The following CELF2 variants were observed in gnomAD, a reference collection of about 807,000 sequenced individuals.
CELF2 encodes CUGBP Elav-like family member 2.
CELF2 carries 8 observed loss-of-function variants against 62.6 expected under a neutral mutation model. The observed-to-expected ratio is 0.13, with a 90% confidence interval of 0.07 to 0.23. The LOEUF is 0.23. CELF2 is among the 10% of genes least tolerant of loss of function. The pLI is 1.00. For missense variants in CELF2, 333 were observed against 671.0 expected (o/e 0.50, Z 5.56); for synonymous variants, 258 against 250.0 (o/e 1.03, Z -0.30).
chr10:10,796,047 C>A (rs2054120864), upstream of CELF2, among the ~76,000 whole-genome samples: 1 of 152,072 alleles, frequency 6.6e-6, no homozygotes, highest in South Asian at 2.1e-4. Context: ...ACCACTGAAG[C>A]TGATTTTCCG....
intron 2 of CELF2, among the ~76,000 whole-genome samples, chr10:11,202,901 ATCTCTCTCTCTCTC>A (rs56373613): frequency 0.016 from 1,147 of 70,892 alleles, 34 homozygotes; most frequent in African/African-American, 0.067. Flanking sequence ...CCCCATCCTC[ATCTCTCTCTCTCTC>A]TCTCTCTCTC....
chr10:10,961,069 G>A (rs913332536), intron 2 of CELF2, among the ~76,000 whole-genome samples: 11 of 152,004 alleles, frequency 7.2e-5, no homozygotes, highest in Non-Finnish European at 1.2e-4. Context: ...ATTCCAATAC[G>A]GACTTCTTAC....
rs1241406446 is a variant in CELF2 at position 11,329,194 on chromosome 10, CTCCATGTCCCCA to C, written c.*142_*153del. 2.5e-6 allele frequency: 2 copies of C among 803,066 alleles called. No individual in the cohort carries two copies. Among genetic ancestry groups the C allele is most frequent in the Non-Finnish European group, 3.7e-6 (2 of 538,698 alleles). 49.7% of individuals were successfully genotyped at this position (803,066 alleles called of 1,614,324 possible). A position where few individuals can be genotyped will look rare whatever the true frequency, so the allele number is the denominator to read the frequency against. On this transcript the variant is annotated 3_prime_UTR_variant, in exon 13 of 13. Coordinates refer to ENST00000633077, the MANE Select transcript of CELF2 (RefSeq NM_001326342.2). This position sits in a 1 kb window ranked among gnomAD's most constrained non-coding sequence, Gnocchi z 5.5. ...GAGACGGTTATTTTTACAATAAGGCCTCCATGTCCCCACCCACTTCCCCTACCCAGTTTGCCA... is the reference window on the plus strand; with the variant it reads ...GAGACGGTTATTTTTACAATAAGGCCCCCACTTCCCCTACCCAGTTTGCCA...
the CELF2 span, among the ~76,000 whole-genome samples, chr10:10,531,338 G>GC: frequency 1.3e-5 from 2 of 152,146 alleles, no homozygotes; most frequent in Non-Finnish European, 2.9e-5. Flanking sequence ...TGTAACAGCA[G>GC]CCCCCAGGTG....
At chr10:10,930,764 T>G (rs1243166939) in intron 2 of CELF2, among the ~76,000 whole-genome samples, 1 of 152,248 alleles carries the variant, frequency 6.6e-6, no homozygotes, top group Admixed American at 6.5e-5. Flanking sequence ...GCCATTCATT[T>G]TCTCCTGTAT....
At chr10:10,672,187 T>G in the CELF2 span, among the ~76,000 whole-genome samples, 5 of 152,252 alleles carry the variant, frequency 3.3e-5, no homozygotes, top group South Asian at 1.0e-3. Context: ...CGCCGGTCTG[T>G]GACTTGCCTT....
At chr10:10,508,763 G>A in the CELF2 span, among the ~76,000 whole-genome samples, 31 of 151,440 alleles carry the variant, frequency 2.0e-4, no homozygotes, top group Admixed American at 5.9e-4. Flanking sequence ...ATGCAATGGC[G>A]TGATCTCGGC....
At chr10:10,772,162 G>GA in the CELF2 span, among the ~76,000 whole-genome samples, 1,135 of 148,132 alleles carry the variant, frequency 7.7e-3, 17 homozygotes, top group African/African-American at 0.025. Flanking sequence ...TTATATTCAA[G>GA]AAAAAAAAAA....
In CELF2 at chr10:10,810,299, G is replaced by A. The variant is rs116656118; in HGVS notation, c.53+11482G>A. Among the ~76,000 whole-genome samples the A allele has an allele frequency of 5.3e-4, 81 of 152,268 alleles. 1 individual carries two copies. Among genetic ancestry groups the A allele is most frequent in the African/African-American group, 1.9e-3 (79 of 41,566 alleles). ...AATCCAATTTGTGTTTCTGGCAAAT[G>A]GAGTAGCCAACATTCACCTGCTGAA... On this transcript the variant is annotated intron_variant, in intron 1 of 13. Transcript: ENST00000636488.
Position 10,993,731 on chromosome 10 carries a change from T to C in CELF2, c.89+73732T>C, listed in dbSNP as rs528551200. ...CTGGATTGGATGTTTTCAGAAAGCA[T>C]TGGATATCGATATGGACTCAGCTGT... On this transcript the variant is annotated intron_variant, in intron 2 of 13. Transcript: ENST00000636488. The surrounding 1 kb of genome is among the most constrained non-coding windows in gnomAD (Gnocchi z 5.3). 2.6e-5 allele frequency among the ~76,000 whole-genome samples: 4 copies of C among 152,242 alleles called. No individual in the cohort carries two copies. Among genetic ancestry groups the C allele is most frequent in the South Asian group, 2.1e-4 (1 of 4,814 alleles).
rs2065410027 is a variant in CELF2 at position 11,223,167 on chromosome 10, G to T, written c.354+5660G>T. Among the ~76,000 whole-genome samples the T allele has an allele frequency of 6.6e-6, 1 of 152,190 alleles. No individual in the cohort carries two copies. Among genetic ancestry groups the T allele is most frequent in the Non-Finnish European group, 1.5e-5 (1 of 68,040 alleles). The stretch of plus-strand genomic sequence containing the variant: ...AGATTCATGGTGCGTGTTAGAGAGG[G>T]TGCTTGAGAAATGGCCGTGCGATGA... On this transcript the variant is annotated intron_variant, in intron 3 of 12. Transcript: ENST00000633077. The surrounding 1 kb of genome is among the most constrained non-coding windows in gnomAD (Gnocchi z 5.1).
chr10:10,820,218 T>C (rs962311053), intron 1 of CELF2, among the ~76,000 whole-genome samples: 1 of 152,188 alleles, frequency 6.6e-6, no homozygotes, highest in African/African-American at 2.4e-5. Context: ...CTCTTTTTGT[T>C]CTCAGTTTCG....
In CELF2 at chr10:11,300,114, C is replaced by T. The variant is rs1205913139; in HGVS notation, c.976+11562C>T. 6.6e-6 allele frequency among the ~76,000 whole-genome samples: 1 copy of T among 152,126 alleles called. No individual in the cohort carries two copies. The highest frequency in any genetic ancestry group is 1.5e-5 in the Non-Finnish European group (1 of 68,026). On this transcript the variant is annotated intron_variant, in intron 9 of 12. Transcript: ENST00000633077. The surrounding 1 kb of genome is among the most constrained non-coding windows in gnomAD (Gnocchi z 5.5). ...GGGAGGCACCCTGGTTTATTGACAA[C>T]CCATGAAGTAGATTTCTTAGATCCA...
chr10:10,465,118 A>T, the CELF2 span, among the ~76,000 whole-genome samples: 2 of 152,202 alleles, frequency 1.3e-5, no homozygotes, highest in Non-Finnish European at 2.9e-5. Context: ...AAAAATATAT[A>T]TAATGCCAGA....
chr10:10,899,217 G>T (rs1233577195), intron 1 of CELF2, among the ~76,000 whole-genome samples: 1 of 152,116 alleles, frequency 6.6e-6, no homozygotes, highest in Non-Finnish European at 1.5e-5. Flanking sequence ...TGAAAGAAAG[G>T]ATATAGTGAA....
At chr10:11,129,536 T>C (rs182016322) in intron 1 of CELF2, among the ~76,000 whole-genome samples, 8 of 152,290 alleles carry the variant, frequency 5.3e-5, no homozygotes, top group Non-Finnish European at 7.3e-5. Flanking sequence ...TAGGCTATTA[T>C]TATTGCCTCC....
intron 3 of CELF2, among the ~76,000 whole-genome samples, chr10:11,218,717 T>C (rs900608962): frequency 3.9e-5 from 6 of 152,264 alleles, no homozygotes; most frequent in Non-Finnish European, 7.3e-5. Context: ...CCTGCCCAGT[T>C]TCACTGCTTC....
At chr10:10,919,345 T>A (rs1033537114) in intron 1 of CELF2, among the ~76,000 whole-genome samples, 3 of 152,226 alleles carry the variant, frequency 2.0e-5, no homozygotes, top group Non-Finnish European at 4.4e-5. Context: ...AATTTGTCTC[T>A]GGTCATTTTT....
intron 2 of CELF2, among the ~76,000 whole-genome samples, chr10:10,933,497 A>G (rs971076883): frequency 1.3e-5 from 2 of 152,160 alleles, no homozygotes; most frequent in African/African-American, 2.4e-5. Context: ...ATTTTATATT[A>G]TTATAACCAC....
Sources: allele counts gnomAD v4.1 joint callset (sites outside exome capture counted in the v4.1 genomes callset), GRCh38; gene constraint gnomAD v4.1.1; non-coding constraint Gnocchi (gnomAD v3.1); transcripts MANE v1.5; gene names NCBI Gene and HGNC (gene_info 2026-07-23, HGNC 2026-07-21).